FAM120B: variants seen among roughly 807,000 people sequenced by gnomAD.
FAM120B encodes the protein family with sequence similarity 120 member B.
FAM120B carries 83 observed loss-of-function variants against 96.3 expected under a neutral mutation model. The observed-to-expected ratio is 0.86, with a 90% CI of 0.72 to 1.03. The LOEUF is 1.03. FAM120B is among the 50% of genes least tolerant of loss of function. The pLI is 0.00. For missense variants in FAM120B, 1,027 were observed against 1,121.2 expected, an observed-to-expected ratio of 0.92 and a Z score of 1.20; for synonymous variants, 407 against 402.7, an observed-to-expected ratio of 1.01 and a Z score of -0.13.
chr6:170,396,243 C>G (rs985040032), intron 9 of FAM120B, among the ~76,000 whole-genome samples: 1 of 152,076 alleles, frequency 6.6e-6, no homozygotes, highest in African/African-American at 2.4e-5. Context: ...GTAGAGACTT[C>G]GCAAGCTGCT....
intron 6 of FAM120B, among the ~76,000 whole-genome samples, chr6:170,383,563 A>G (rs928083101): frequency 1.3e-5 from 2 of 152,240 alleles, no homozygotes; most frequent in African/African-American, 4.8e-5. Context: ...ATAATTAACC[A>G]TTAGGGAAAT....
At chr6:170,313,731 C>T (rs1435028843) in intron 1 of FAM120B, among the ~76,000 whole-genome samples, 3 of 152,230 alleles carry the variant, frequency 2.0e-5, no homozygotes, top group African/African-American at 7.2e-5. Flanking sequence ...TGCTCTGATC[C>T]AGCTTCCCTG....
In FAM120B at chr6:170,348,182, G is replaced by A. The variant is rs1201075151; in HGVS notation, c.2049G>A (p.Leu683=). 6.2e-7 allele frequency: 1 copy of A among 1,613,892 alleles called. No individual in the cohort carries two copies. The highest frequency in any genetic ancestry group is 1.1e-5 in the South Asian group (1 of 91,040). Residue 683 remains leucine, a synonymous_variant, in exon 5 of 11, where the codon CTG becomes CTA. Coordinates refer to ENST00000476287, the MANE Select transcript of FAM120B (RefSeq NM_032448.3). Reference sequence around the variant, plus strand: ...CGCCTAGTTTGAAAATATTATGGCTGAACCAAGAGCCAGAAATACAGGTTC... The same window carrying A: ...CGCCTAGTTTGAAAATATTATGGCTAAACCAAGAGCCAGAAATACAGGTTC... ...GGTPSLKILW[L]NQEPEIQVRR...
At chr6:170,304,801 A>G (rs1784222037), upstream of FAM120B, among the ~76,000 whole-genome samples, 1 of 149,942 alleles carries the variant, frequency 6.7e-6, no homozygotes, top group African/African-American at 2.5e-5. Context: ...GTCAGATCCT[A>G]CTCCTCCTTC....
intron 6 of FAM120B, among the ~76,000 whole-genome samples, chr6:170,380,266 T>C (rs1789825498): frequency 2.0e-5 from 3 of 152,184 alleles, no homozygotes; most frequent in Non-Finnish European, 4.4e-5. Context: ...GATAGATGCT[T>C]AGGTTGGTTC....
At chr6:170,333,282 G>C (rs76177430) in intron 4 of FAM120B, among the ~76,000 whole-genome samples, 3,319 of 151,474 alleles carry the variant, frequency 0.022, 64 homozygotes, top group Non-Finnish European at 0.032. Flanking sequence ...TTATAAAAGA[G>C]GCCCCTTCTT....
rs188508880 is a variant in FAM120B, at chr6:170,370,312, C to G, written c.2283+11994C>G. Among the ~76,000 whole-genome samples, 1 of 152,220 alleles carries G rather than the reference C, an allele frequency of 6.6e-6. No individual in the cohort carries two copies. Among genetic ancestry groups the G allele is most frequent in the South Asian group, 2.1e-4 (1 of 4,836 alleles). Reference sequence around the variant, plus strand: ...ACCTTTCTTTTCTGAGACGCAGCTACGTCCCCGAGCTCTTTGTGGAAGACA... The same window carrying G: ...ACCTTTCTTTTCTGAGACGCAGCTAGGTCCCCGAGCTCTTTGTGGAAGACA... On this transcript the variant is annotated intron_variant, in intron 6 of 10. Transcript: ENST00000476287. This position sits in a 1 kb window ranked among gnomAD's most constrained non-coding sequence, Gnocchi z 4.3.
chr6:170,398,223 G>C (rs1031947593), intron 9 of FAM120B, among the ~76,000 whole-genome samples: 4 of 152,258 alleles, frequency 2.6e-5, no homozygotes, highest in African/African-American at 9.6e-5. Flanking sequence ...ATAACCTTGA[G>C]TGTCCTTTCT....
intron 4 of FAM120B, 25 bp downstream of exon 4, chr6:170,330,575 A>T: frequency 6.6e-7 from 1 of 1,524,700 alleles, no homozygotes; most frequent in Non-Finnish European, 9.1e-7. Context: ...TCTTTAAATG[A>T]ACCACAGATC....
chr6:170,395,613 C>A, intron 9 of FAM120B, 34 bp downstream of exon 9: 1 of 1,424,310 alleles, frequency 7.0e-7, no homozygotes, highest in Non-Finnish European at 9.7e-7. Context: ...GCTGGGCCAC[C>A]TGCATGGCAC....
chr6:170,296,095 GGCACGCCTTT>G (rs1364542553), intron 1 of FAM120B, among the ~76,000 whole-genome samples: 1 of 152,196 alleles, frequency 6.6e-6, no homozygotes, highest in African/African-American at 2.4e-5. Flanking sequence ...AGCACCGGCG[GGCACGCCTTT>G]GTCCCGGGAT....
At chr6:170,339,585 C>T (rs772429288) in intron 4 of FAM120B, among the ~76,000 whole-genome samples, 1 of 151,938 alleles carries the variant, frequency 6.6e-6, no homozygotes, top group Admixed American at 6.6e-5. Context: ...TGAGACCATC[C>T]TGGCTAATAT....
chr6:170,367,292 T>A (rs1454460815), intron 6 of FAM120B, among the ~76,000 whole-genome samples: 2 of 152,228 alleles, frequency 1.3e-5, no homozygotes, highest in African/African-American at 4.8e-5. Flanking sequence ...GCCACCAGCA[T>A]GTAGTGAAGC....
rs1028135696 is a variant in FAM120B, at chr6:170,318,165, A to C, written c.775A>C (p.Lys259Gln). Residue 259 changes from lysine to glutamine, a missense_variant, in exon 2 of 11, where the codon AAA (lysine) becomes CAA (glutamine). Physicochemically the swap from Lys to Gln is moderately conservative, Grantham distance 53 (BLOSUM62 1). Around this residue, in one of 3 missense-constraint regions of FAM120B, gnomAD observed 880 missense variants for 980.9 expected, o/e 0.90. Transcript: ENST00000476287. Reference protein sequence around the residue: ...SYTSVKENFDKKGNIILAVSD... With the variant: ...SYTSVKENFDQKGNIILAVSD... Reference sequence around the variant, plus strand: ...CACCTCTGTAAAAGAGAACTTTGACAAAAAAGGTAACATCATATTAGCTGT... The same window carrying C: ...CACCTCTGTAAAAGAGAACTTTGACCAAAAAGGTAACATCATATTAGCTGT... The C allele has an allele frequency of 2.5e-6, 4 of 1,614,198 alleles. No individual in the cohort carries two copies. Among genetic ancestry groups the C allele is most frequent in the East Asian group, 4.5e-5 (2 of 44,890 alleles).
chr6:170,399,233 C>T lies in FAM120B; in HGVS notation c.2692+3654C>T, dbSNP rs546303492. Among the ~76,000 whole-genome samples, 7 of 62,040 alleles carry T rather than the reference C, an allele frequency of 1.1e-4. No homozygotes were observed. The South Asian group carries it at 3.4e-3, about 30-fold the overall frequency. 40.7% of individuals were successfully genotyped at this position (62,040 alleles called of 152,430 possible). On this transcript the variant is annotated intron_variant, in intron 9 of 10. Transcript: ENST00000476287. ...TGGGAAAGGTAGAACTATGTCATAA[C>T]TCTTAGGAGTGAGTGAGAAAGGTAG... is the stretch of plus-strand genomic sequence containing the variant.
At chr6:170,367,264 G>A (rs116684343) in intron 6 of FAM120B, among the ~76,000 whole-genome samples, 2,229 of 152,284 alleles carry the variant, frequency 0.015, 30 homozygotes, top group East Asian at 0.057. Flanking sequence ...CCAGACTATC[G>A]CCCATAGGCC....
chr6:170,340,009 G>A (rs983685413), intron 4 of FAM120B, among the ~76,000 whole-genome samples: 4 of 152,088 alleles, frequency 2.6e-5, no homozygotes, highest in Non-Finnish European at 4.4e-5. Context: ...GGTATTCTCT[G>A]TATTTACTGA....
At chr6:170,343,121 G>A (rs534792830) in intron 4 of FAM120B, among the ~76,000 whole-genome samples, 1 of 152,178 alleles carries the variant, frequency 6.6e-6, no homozygotes, top group Admixed American at 6.5e-5. Flanking sequence ...ACCACTAGAA[G>A]AGAAGTGATC....
At chr6:170,332,833 A>G (rs1583215878) in intron 4 of FAM120B, among the ~76,000 whole-genome samples, 1 of 152,276 alleles carries the variant, frequency 6.6e-6, no homozygotes, top group South Asian at 2.1e-4. Flanking sequence ...TTGTTCTTCT[A>G]AGACAGTTTT....
Sources: allele counts gnomAD v4.1 joint callset (sites outside exome capture counted in the v4.1 genomes callset), GRCh38; gene constraint gnomAD v4.1.1; regional missense constraint gnomAD v4.1.1; non-coding constraint Gnocchi (gnomAD v3.1); transcripts MANE v1.5; gene names NCBI Gene and HGNC (gene_info 2026-07-23, HGNC 2026-07-21).